STPG2: variants seen among roughly 807,000 people sequenced by gnomAD.
The protein encoded by STPG2 is sperm-tail PG-rich repeat-containing protein 2.
A neutral mutation model predicts 54.2 loss-of-function variants in STPG2; 56 were observed. That is an observed-to-expected ratio of 1.03 (90% confidence interval 0.83 to 1.29). The LOEUF (loss-of-function observed/expected upper bound fraction) is 1.29. Among genes scored for constraint, STPG2 ranks in the 50% most tolerant of loss-of-function variants. STPG2 has a pLI of 0.00. For synonymous variants in STPG2, 200 were observed against 181.8 expected, an observed-to-expected ratio of 1.10 and a Z score of -0.81; for missense variants, 596 against 544.9, an observed-to-expected ratio of 1.09 and a Z score of -0.93.
At chr4:97,833,688 G>C (rs1158067896) in intron 9 of STPG2, among the ~76,000 whole-genome samples, 3 of 152,020 alleles carry the variant, frequency 2.0e-5, no homozygotes, top group Admixed American at 2.0e-4. Context: ...TCAAAAAGTG[G>C]GTGAAGGATA....
At chr4:97,762,561 C>T (rs755124082) in intron 9 of STPG2, among the ~76,000 whole-genome samples, 4 of 152,114 alleles carry the variant, frequency 2.6e-5, no homozygotes, top group South Asian at 2.1e-4. Flanking sequence ...AATTATGGGA[C>T]ACATGTAGCT....
intron 10 of STPG2, among the ~76,000 whole-genome samples, chr4:97,660,669 G>A (rs972778482): frequency 6.6e-6 from 1 of 152,114 alleles, no homozygotes; most frequent in Admixed American, 6.5e-5. Context: ...GATTTATTAA[G>A]CACTTAGTCT....
chr4:97,777,359 T>G (rs139045369), intron 9 of STPG2, among the ~76,000 whole-genome samples: 2 of 152,216 alleles, frequency 1.3e-5, no homozygotes, highest in African/African-American at 4.8e-5. Context: ...CAGAAAGGTC[T>G]TATTCTGATG....
intron 5 of STPG2, among the ~76,000 whole-genome samples, chr4:98,082,805 C>T (rs1356370553): frequency 6.6e-6 from 1 of 152,020 alleles, no homozygotes; most frequent in East Asian, 1.9e-4. Context: ...AATCATGCCA[C>T]TCTCTTGATA....
intron 4 of STPG2, among the ~76,000 whole-genome samples, chr4:97,519,517 A>T (rs1731139447): frequency 6.6e-6 from 1 of 152,040 alleles, no homozygotes; most frequent in South Asian, 2.1e-4. Context: ...AAAAATTTTT[A>T]AAAAATGAAA....
intron 10 of STPG2, among the ~76,000 whole-genome samples, chr4:97,564,392 G>A (rs562540346): frequency 2.6e-5 from 4 of 152,188 alleles, no homozygotes; most frequent in South Asian, 2.1e-4. Flanking sequence ...TATCCAATTT[G>A]CCAGTCTGTG....
chr4:97,441,564 G>C (rs1257814419), intron 4 of STPG2: 1 of 151,944 alleles, frequency 6.6e-6, no homozygotes, highest in East Asian at 1.9e-4. Context: ...ATTTCAGTAA[G>C]TGGTATCTCT....
chr4:97,489,009 A>G (rs532734162), intron 4 of STPG2, among the ~76,000 whole-genome samples: 15 of 151,854 alleles, frequency 9.9e-5, no homozygotes, highest in Non-Finnish European at 1.9e-4. Context: ...CATGGGAAGA[A>G]CCCAGTGGGA....
At chr4:98,117,651 A>G (rs1739560053) in intron 3 of STPG2, among the ~76,000 whole-genome samples, 1 of 152,034 alleles carries the variant, frequency 6.6e-6, no homozygotes, top group South Asian at 2.1e-4. Flanking sequence ...CATAATATCA[A>G]TTGACATGTC....
intron 10 of STPG2, among the ~76,000 whole-genome samples, chr4:97,615,940 G>A (rs532138976): frequency 1.3e-5 from 2 of 149,616 alleles, no homozygotes; most frequent in Non-Finnish European, 3.0e-5. Context: ...AGGAGGCTGA[G>A]GTAGAAGAAT....
chr4:97,891,802 T>C (rs1216417618), intron 8 of STPG2, among the ~76,000 whole-genome samples: 5 of 152,150 alleles, frequency 3.3e-5, no homozygotes, highest in Non-Finnish European at 7.4e-5. Context: ...GAAGAATAAA[T>C]TTAACTATAA....
chr4:98,008,971 T>C (rs1409527164), intron 5 of STPG2, among the ~76,000 whole-genome samples: 4 of 152,102 alleles, frequency 2.6e-5, no homozygotes, highest in Non-Finnish European at 5.9e-5. Context: ...TGAATTTCTA[T>C]GGTATCAGTT....
chr4:98,062,110 G>T (rs1238283991), intron 5 of STPG2, among the ~76,000 whole-genome samples: 2 of 152,176 alleles, frequency 1.3e-5, no homozygotes, highest in African/African-American at 4.8e-5. Context: ...GGAATACTAT[G>T]CAGCCATAAA....
chr4:97,722,898 C>G (rs931889159), intron 9 of STPG2, among the ~76,000 whole-genome samples: 1 of 149,792 alleles, frequency 6.7e-6, no homozygotes. Context: ...CCCGGGTTCA[C>G]GCCATTCTCC....
At chr4:97,865,163 G>A (rs1232423774) in intron 8 of STPG2, among the ~76,000 whole-genome samples, 2 of 151,960 alleles carry the variant, frequency 1.3e-5, no homozygotes, top group Non-Finnish European at 2.9e-5. Context: ...GCAACCTACA[G>A]AATGGGAGAA....
chr4:97,724,659 A>C (rs918429592), intron 9 of STPG2, among the ~76,000 whole-genome samples: 5 of 152,266 alleles, frequency 3.3e-5, no homozygotes, highest in African/African-American at 1.2e-4. Context: ...AATTTAAAGT[A>C]GGTTTATATC....
At chr4:97,503,602 A>G (rs1296319255) in intron 4 of STPG2, among the ~76,000 whole-genome samples, 2 of 151,390 alleles carry the variant, frequency 1.3e-5, no homozygotes, top group East Asian at 3.9e-4. Flanking sequence ...TATGTTTTTA[A>G]AAGTTAAAAT....
intron 8 of STPG2, 113 bp downstream of exon 8, chr4:97,943,784 G>A (rs1733091502): frequency 1.4e-6 from 1 of 712,326 alleles, no homozygotes; most frequent in Admixed American, 3.2e-5. Context: ...AGCCAAGGAG[G>A]TTACAGCACG....
At chr4:97,883,993 G>T (rs1451553348) in intron 8 of STPG2, among the ~76,000 whole-genome samples, 2 of 152,134 alleles carry the variant, frequency 1.3e-5, no homozygotes, top group East Asian at 1.9e-4. Flanking sequence ...AGATGGGGAA[G>T]AAGTTTTTGC....
Sources: allele counts gnomAD v4.1 joint callset (sites outside exome capture counted in the v4.1 genomes callset), GRCh38; gene constraint gnomAD v4.1.1; transcripts MANE v1.5; gene names NCBI Gene and HGNC (gene_info 2026-07-23, HGNC 2026-07-21).